MDFIC2: variants seen among roughly 807,000 people sequenced by gnomAD.
The protein encoded by MDFIC2 is myoD family inhibitor domain-containing protein 2.
intron 2 of MDFIC2, among the ~76,000 whole-genome samples, chr3:70,237,108 TC>T (rs1183347642): frequency 6.6e-6 from 1 of 152,212 alleles, no homozygotes; most frequent in African/African-American, 2.4e-5. Context: ...CTTTTCCAGA[TC>T]TTTTGCATTC....
intron 2 of MDFIC2, among the ~76,000 whole-genome samples, chr3:70,212,418 G>T (rs1701360537): frequency 6.6e-6 from 1 of 152,028 alleles, no homozygotes; most frequent in South Asian, 2.1e-4. Flanking sequence ...TGTCTTTATT[G>T]TATTGTCATT....
chr3:70,247,910 A>G (rs1701723545), intron 2 of MDFIC2, among the ~76,000 whole-genome samples: 1 of 152,128 alleles, frequency 6.6e-6, no homozygotes, highest in Admixed American at 6.6e-5. Context: ...TTTCTGTAGT[A>G]AAGAGATGTG....
At chr3:70,268,496 A>AT in intron 2 of MDFIC2, among the ~76,000 whole-genome samples, 1 of 144,234 alleles carries the variant, frequency 6.9e-6, no homozygotes, top group Admixed American at 6.9e-5. Context: ...AAAAAAAAAA[A>AT]TCCCCACCAG....
At chr3:70,300,932 G>A (rs113523962) in intron 2 of MDFIC2, among the ~76,000 whole-genome samples, 3 of 151,928 alleles carry the variant, frequency 2.0e-5, no homozygotes, top group East Asian at 1.9e-4. Flanking sequence ...CAAGAAAGCC[G>A]TTAGTGCAAT....
rs1384854007 is a variant in MDFIC2, at chr3:70,195,807, C to T, written c.*1119G>A. ...GTTTCTACAGAAAGTAAAGAACATT[C>T]CAAAGTAACTTTAACCTAGATGTGT... On this transcript the variant is annotated 3_prime_UTR_variant, in exon 4 of 4. Coordinates refer to ENST00000567252, the MANE Select transcript of MDFIC2 (RefSeq NM_001364677.1). 6.6e-6 allele frequency among the ~76,000 whole-genome samples: 1 copy of T among 152,100 alleles called. No individual in the cohort carries two copies. The highest frequency in any genetic ancestry group is 2.4e-5 in the African/African-American group (1 of 41,420).
At chr3:70,279,213 A>C (rs1052274705) in intron 2 of MDFIC2, among the ~76,000 whole-genome samples, 1 of 151,778 alleles carries the variant, frequency 6.6e-6, no homozygotes, top group African/African-American at 2.4e-5. Context: ...CTTTGCATGT[A>C]GTGTTTCACA....
chr3:70,266,338 G>C (rs888565342), intron 2 of MDFIC2, among the ~76,000 whole-genome samples: 1 of 151,790 alleles, frequency 6.6e-6, no homozygotes, highest in Non-Finnish European at 1.5e-5. Flanking sequence ...AACTGTAATC[G>C]TTATTAAATA....
intron 3 of MDFIC2, 79 bp downstream of exon 3, chr3:70,206,490 A>G (rs1701291804): frequency 2.5e-6 from 1 of 395,990 alleles, no homozygotes; most frequent in Admixed American, 4.4e-5. Context: ...TTTTTTTCCT[A>G]ACAGCATATG....
intron 2 of MDFIC2, among the ~76,000 whole-genome samples, chr3:70,268,930 G>T (rs1227341603): frequency 2.0e-5 from 3 of 151,982 alleles, no homozygotes; most frequent in Non-Finnish European, 4.4e-5. Context: ...ACTGACAATG[G>T]AAGCAATTAA....
At chr3:70,277,088 A>G (rs901491165) in intron 2 of MDFIC2, among the ~76,000 whole-genome samples, 7 of 152,162 alleles carry the variant, frequency 4.6e-5, no homozygotes, top group Admixed American at 2.0e-4. Flanking sequence ...TTTATTTTCA[A>G]TGAGGCGTGA....
intron 2 of MDFIC2, among the ~76,000 whole-genome samples, chr3:70,234,530 T>C (rs532567137): frequency 9.9e-5 from 15 of 151,860 alleles, no homozygotes; most frequent in Admixed American, 8.5e-4. Flanking sequence ...GCACCTGTAG[T>C]CCCAGAGGCT....
intron 2 of MDFIC2, among the ~76,000 whole-genome samples, chr3:70,296,476 C>T (rs1702289823): frequency 1.3e-5 from 2 of 152,238 alleles, no homozygotes; most frequent in Admixed American, 6.5e-5. Context: ...CACACCGTGA[C>T]ATTGGTTAAC....
chr3:70,238,213 T>A (rs1701631659), intron 2 of MDFIC2, among the ~76,000 whole-genome samples: 1 of 151,862 alleles, frequency 6.6e-6, no homozygotes, highest in Admixed American at 6.6e-5. Flanking sequence ...CCCTGACACT[T>A]GAAATTAGCA....
chr3:70,195,663 GTTCT>G lies in MDFIC2; in HGVS notation c.*1259_*1262del, dbSNP rs563331995. ...CCTCAATTCTCCATTTCACTTTTGT[GTTCT>G]TTGTTTGGTTACTCATGCATGATGC... On this transcript the variant is annotated 3_prime_UTR_variant, in exon 4 of 4. Transcript: ENST00000567252. Among the ~76,000 whole-genome samples the G allele has an allele frequency of 3.9e-5, 6 of 152,160 alleles. No individual in the cohort carries two copies. In the East Asian group the frequency reaches 1.2e-3, roughly 29 times the overall value.
chr3:70,282,280 A>G (rs573205933), intron 2 of MDFIC2, among the ~76,000 whole-genome samples: 4 of 152,258 alleles, frequency 2.6e-5, no homozygotes, highest in South Asian at 2.1e-4. Flanking sequence ...CTGGTGTTTC[A>G]GTAACAGACA....
chr3:70,296,982 C>T (rs1467960901), intron 2 of MDFIC2, among the ~76,000 whole-genome samples: 3 of 151,992 alleles, frequency 2.0e-5, no homozygotes, highest in Non-Finnish European at 4.4e-5. Context: ...CTAATATCCC[C>T]ATGCTCCCCA....
chr3:70,293,095 A>T (rs2106694966), intron 2 of MDFIC2, among the ~76,000 whole-genome samples: 1 of 151,094 alleles, frequency 6.6e-6, no homozygotes, highest in East Asian at 2.0e-4. Context: ...TGACGAGAAG[A>T]AAGAAAATTC....
chr3:70,247,337 A>G (rs1701716710), intron 2 of MDFIC2, among the ~76,000 whole-genome samples: 1 of 152,022 alleles, frequency 6.6e-6, no homozygotes, highest in South Asian at 2.1e-4. Context: ...TACAAGGATG[A>G]AAACAGAGGA....
chr3:70,266,028 CA>C (rs1399736785), intron 2 of MDFIC2, among the ~76,000 whole-genome samples: 97 of 152,208 alleles, frequency 6.4e-4, no homozygotes, highest in African/African-American at 2.3e-3. Context: ...ATCATATCAC[CA>C]AAAAAGTTTG....
Sources: gnomAD v4.1 joint callset for allele counts (sites outside exome capture counted in the v4.1 genomes callset) on GRCh38, gnomAD v4.1.1 for gene constraint, MANE v1.5 for transcripts, NCBI Gene and HGNC (gene_info 2026-07-23, HGNC 2026-07-21) for gene names.